Variants in CPSF1 observed in about 807,000 individuals in gnomAD.
CPSF1 encodes the protein cleavage and polyadenylation specific factor 1, also known as cleavage and polyadenylation specificity factor subunit 1.
CPSF1 carries 106 observed loss-of-function variants against 175.8 expected under a neutral mutation model. The observed-to-expected ratio is 0.60, with a 90% CI of 0.52 to 0.71. The LOEUF (loss-of-function observed/expected upper bound fraction) is 0.71, where lower values mean the gene tolerates loss of function less well. CPSF1 is among the 30% of genes least tolerant of loss of function. CPSF1 has a pLI of 0.00. For synonymous variants in CPSF1, 1,024 were observed against 858.3 expected, an observed-to-expected ratio of 1.19 and a Z score of -3.37; for missense variants, 1,734 against 2,022.9, an observed-to-expected ratio of 0.86 and a Z score of 2.74.
rs2116912883 is a variant in CPSF1, at chr8:144,409,051, C to A, written c.108G>T (p.Ser36=). ...GGTTGAGGCGGTACACGTAGAGCTG[C>A]GAGGTCCCGGCCACTACCAGGTTGC... ...SERNLVVAGT[S]QLYVYRLNRD... is the part of the protein sequence containing the mutation. The change falls in exon 2 of 38, where the codon TCG becomes TCT. Residue 36 remains serine (S), a synonymous_variant. Coordinates refer to ENST00000616140, the MANE Select transcript of CPSF1 (RefSeq NM_013291.3). 6 of 1,613,652 alleles carry A rather than the reference C, an allele frequency of 3.7e-6. No individual in the cohort carries two copies. The highest frequency in any genetic ancestry group is 5.1e-6 in the Non-Finnish European group (6 of 1,179,872).
chr8:144,399,379 C>A lies in CPSF1; in HGVS notation c.1295-6G>T. On this transcript the variant is annotated splice_polypyrimidine_tract_variant and splice_region_variant and intron_variant, in intron 13 of 37. Transcript: ENST00000616140. This position sits in a 1 kb window ranked among gnomAD's most constrained non-coding sequence, Gnocchi z 6.4. Reference sequence around the variant, plus strand: ...CGGCACCGACTTACCCGCAGCTGCACACAGAGAGCCCACTTGAGCGCAGCC... The same window carrying A: ...CGGCACCGACTTACCCGCAGCTGCAAACAGAGAGCCCACTTGAGCGCAGCC... 2 of 1,612,110 alleles carry A rather than the reference C, an allele frequency of 1.2e-6. No individual in the cohort carries two copies. Among genetic ancestry groups the A allele is most frequent in the Non-Finnish European group, 1.7e-6 (2 of 1,179,972 alleles).
chr8:144,395,823 G>A (rs1381977655), intron 26 of CPSF1: 2 of 560,032 alleles, frequency 3.6e-6, no homozygotes, highest in Non-Finnish European at 6.4e-6. Flanking sequence ...GGCTGCAAAG[G>A]GCAGCCCACA....
chr8:144,400,139 C>A (rs2116871859), intron 9 of CPSF1, 27 bp downstream of exon 9: 3 of 1,221,760 alleles, frequency 2.5e-6, no homozygotes, highest in Non-Finnish European at 3.4e-6. Context: ...CCCCGGGCCC[C>A]CCCCGCCCCA....
Position 144,400,134 on chromosome 8 carries a change from G to GCCCCCCCCCCCCCC in CPSF1, c.937+31_937+32insGGGGGGGGGGGGGG, listed in dbSNP as rs782373475. On this transcript the variant is annotated intron_variant, in intron 9 of 37. Coordinates refer to ENST00000616140, the MANE Select transcript of CPSF1 (RefSeq NM_013291.3). ...ACTAGGCAGGCCCAAGCCGTCCCCG[G>GCCCCCCCCCCCCCC]GCCCCCCCCGCCCCAGCCACCCCAC... 132 of 966,510 alleles carry GCCCCCCCCCCCCCC rather than the reference G, an allele frequency of 1.4e-4. 2 individuals are homozygous for GCCCCCCCCCCCCCC. The highest frequency in any genetic ancestry group is 2.9e-4 in the Admixed American group (10 of 34,886). 59.9% of individuals were successfully genotyped at this position (966,510 alleles called of 1,614,324 possible). A position where few individuals can be genotyped will look rare whatever the true frequency, so the allele number is the denominator to read the frequency against.
At chr8:144,408,054 C>T (rs2116910187) in intron 2 of CPSF1, among the ~76,000 whole-genome samples, 14 of 152,272 alleles carry the variant, frequency 9.2e-5, no homozygotes, top group African/African-American at 2.4e-4. Flanking sequence ...ATATGTATGC[C>T]GGGGTAGGTG....
chr8:144,396,960 G>T (rs782105341), intron 23 of CPSF1, 31 bp from the exon 24 acceptor site: 1 of 1,530,614 alleles, frequency 6.5e-7, no homozygotes, highest in East Asian at 2.3e-5. Flanking sequence ...ATGGGGGAAC[G>T]GGCAGGGCCA....
In CPSF1 at chr8:144,394,190, G is replaced by A. The variant is rs112257111; in HGVS notation, c.3812-30C>T. On this transcript the variant is annotated intron_variant, in intron 33 of 37. Coordinates refer to ENST00000616140, the MANE Select transcript of CPSF1 (RefSeq NM_013291.3). ...GGAGCAGAGGCCCAGGGTCAGCCCCGGCCACCCCCAGAGCCTCAGCTCCCC... is the reference window on the plus strand; with the variant it reads ...GGAGCAGAGGCCCAGGGTCAGCCCCAGCCACCCCCAGAGCCTCAGCTCCCC... 1.4e-4 allele frequency: 226 copies of A among 1,612,332 alleles called. 1 individual carries two copies. In the African/African-American group the frequency reaches 2.1e-3, roughly 15 times the overall value.
At chr8:144,400,135 G>GGGGGGCGCCC in intron 9 of CPSF1, 31 bp downstream of exon 9, 1 of 896,008 alleles carries the variant, frequency 1.1e-6, no homozygotes, top group Non-Finnish European at 1.6e-6. Context: ...CCGTCCCCGG[G>GGGGGGCGCCC]CCCCCCCCGC....
chr8:144,394,561 G>A lies in CPSF1; in HGVS notation c.3568-6C>T, dbSNP rs782640306. 6.2e-7 allele frequency: 1 copy of A among 1,607,316 alleles called. No individual in the cohort carries two copies. The highest frequency in any genetic ancestry group is 2.2e-5 in the East Asian group (1 of 44,646). On this transcript the variant is annotated splice_region_variant and splice_polypyrimidine_tract_variant and intron_variant, in intron 31 of 37. Coordinates refer to ENST00000616140, the MANE Select transcript of CPSF1 (RefSeq NM_013291.3). Reference sequence around the variant, plus strand: ...CGCAGGCTCCACAGGAAAATCTGGGGGCGAGGGCGAGGGTGAGCGGGCGCG... The same window carrying A: ...CGCAGGCTCCACAGGAAAATCTGGGAGCGAGGGCGAGGGTGAGCGGGCGCG...
In CPSF1 at chr8:144,397,230, G is replaced by C. The variant is rs367620586; in HGVS notation, c.2569C>G (p.Arg857Gly). Reference sequence around the variant, plus strand: ...ACCAGCAGGTAGGGCCTGCTCTGGCGGCTGCCCAGCGCCACCAGCAGCACC... The same window carrying C: ...ACCAGCAGGTAGGGCCTGCTCTGGCCGCTGCCCAGCGCCACCAGCAGCACC... ...KEVLLVALGS[R>G]QSRPYLLVHV... The change falls in exon 23 of 38, where the codon CGC becomes GGC. Residue 857 changes from arginine to glycine, a missense_variant. Physicochemically the swap from Arg to Gly is moderately radical, Grantham distance 125. Coordinates refer to ENST00000616140, the MANE Select transcript of CPSF1 (RefSeq NM_013291.3). 4.9e-5 allele frequency: 76 copies of C among 1,547,430 alleles called. No individual in the cohort carries two copies. Among genetic ancestry groups the C allele is most frequent in the Non-Finnish European group, 6.5e-5 (75 of 1,146,430 alleles).
In CPSF1 at chr8:144,397,612, G is replaced by A. The variant is rs138464912; in HGVS notation, c.2260C>T (p.Leu754Phe). 1,196 of 1,534,922 alleles carry A rather than the reference G, an allele frequency of 7.8e-4. 1 individual carries two copies. The highest frequency in any genetic ancestry group is 9.5e-4 in the Non-Finnish European group (1,080 of 1,136,806). ...GCCTCCTCCTTGCTGGGGCTGAAGA[G>A]GGAGCCCGAATCCCCATACAGCATC... is the stretch of plus-strand genomic sequence containing the variant. ...EEMLYGDSGS[L>F]FSPSKEEARR... Residue 754 changes from leucine (L) to phenylalanine (F), a missense_variant, in exon 22 of 38, where the codon CTC becomes TTC. Physicochemically the swap from Leu to Phe is conservative, Grantham distance 22. Transcript: ENST00000616140.
At chr8:144,405,567 T>C (rs2116902445) in intron 2 of CPSF1, among the ~76,000 whole-genome samples, 113 of 151,902 alleles carry the variant, frequency 7.4e-4, no homozygotes, top group Non-Finnish European at 1.4e-3. Context: ...GAGGTTGCAG[T>C]GAGCTGAGAT....
Position 144,394,869 on chromosome 8 carries a change from A to C in CPSF1, c.3414+13T>G. The C allele has an allele frequency of 6.2e-7, 1 of 1,611,780 alleles. No homozygotes were observed. Reference sequence around the variant, plus strand: ...GGGCTGCCAGTTCCCGCCCCCGCTCACTGGCCCCTTACCCGCCCTCGGCAC... The same window carrying C: ...GGGCTGCCAGTTCCCGCCCCCGCTCCCTGGCCCCTTACCCGCCCTCGGCAC... On this transcript the variant is annotated intron_variant, in intron 30 of 37. Transcript: ENST00000616140.
At chr8:144,397,445 G>T in intron 22 of CPSF1, 32 bp from the exon 23 acceptor site, 1 of 1,583,368 alleles carries the variant, frequency 6.3e-7, no homozygotes, top group South Asian at 1.1e-5. Context: ...GTGGAGGCAG[G>T]TGGGTGGAAC....
At position 144,399,953 on chromosome 8, in the gene CPSF1, G is replaced by A. The variant is rs1554865834; in HGVS notation, c.1031+39C>T. 3.1e-6 allele frequency: 5 copies of A among 1,595,796 alleles called. No individual in the cohort carries two copies. Among genetic ancestry groups the A allele is most frequent in the South Asian group, 1.1e-5 (1 of 89,376 alleles). ...GGGGACCCTACAGGACTTGTGGGGG[G>A]CGGTGTGGGCAGAGTTCATGGGCGG... On this transcript the variant is annotated intron_variant, in intron 10 of 37. Coordinates refer to ENST00000616140, the MANE Select transcript of CPSF1 (RefSeq NM_013291.3). This position sits in a 1 kb window ranked among gnomAD's most constrained non-coding sequence, Gnocchi z 6.4.
chr8:144,403,082 C>CA (rs1821304729), intron 2 of CPSF1, among the ~76,000 whole-genome samples: 1 of 140,568 alleles, frequency 7.1e-6, no homozygotes, highest in East Asian at 2.1e-4. Flanking sequence ...CCTAGTAAAG[C>CA]AAAAATAGGA....
At position 144,398,616 on chromosome 8, in the gene CPSF1, C is replaced by A. The variant is rs2116852938; in HGVS notation, c.1661G>T (p.Gly554Val). 7 of 1,613,892 alleles carry A rather than the reference C, an allele frequency of 4.3e-6. No homozygotes were observed. In the South Asian group the frequency reaches 6.6e-5, roughly 15 times the overall value. ...GGTGGTGCTGGGTTCCTGCTCTGTGCCCTCCCCCTTGGGATTGTCCTCCTG... is the reference window on the plus strand; with the variant it reads ...GGTGGTGCTGGGTTCCTGCTCTGTGACCTCCCCCTTGGGATTGTCCTCCTG... ...KEEEDNPKGE[G>V]TEQEPSTTPE... The change falls in exon 18 of 38, where the codon GGC becomes GTC. Residue 554 changes from glycine (G) to valine (V), a missense_variant. Physicochemically the swap from Gly to Val is moderately radical, Grantham distance 109. Around this residue, in one of 10 missense-constraint regions of CPSF1, gnomAD observed 280 missense variants for 349.2 expected, o/e 0.80. Transcript: ENST00000616140.
chr8:144,395,399 CAGA>C, intron 27 of CPSF1, 33 bp downstream of exon 27: 1 of 1,610,234 alleles, frequency 6.2e-7, no homozygotes, highest in Non-Finnish European at 8.5e-7. Flanking sequence ...CGGCCAGGCC[CAGA>C]AGGTCCCTGG....
rs1554862056 is a variant in CPSF1 at position 144,393,490 on chromosome 8, T to C, written c.4246A>G (p.Ser1416Gly). The change falls in exon 37 of 38, where the codon AGC (serine) becomes GGC (glycine). Residue 1416 changes from serine (S) to glycine (G), a missense_variant. Ser to Gly is a moderately conservative substitution (Grantham distance 56). Coordinates refer to ENST00000616140, the MANE Select transcript of CPSF1 (RefSeq NM_013291.3). ...RYLYLSTMER[S>G]ELAKKIGTTP... ...GTGCCGATCTTCTTGGCTAGCTCGC[T>C]GCGCTCCATGGTGCTCAGGTACAGG... is the stretch of plus-strand genomic sequence containing the variant. 6.3e-7 allele frequency: 1 copy of C among 1,574,998 alleles called. No individual in the cohort carries two copies. Among genetic ancestry groups the C allele is most frequent in the East Asian group, 2.3e-5 (1 of 43,392 alleles).
Sources: gnomAD v4.1 joint callset for allele counts (sites outside exome capture counted in the v4.1 genomes callset) on GRCh38, gnomAD v4.1.1 for gene constraint, gnomAD v4.1.1 regional missense constraint, Gnocchi (gnomAD v3.1) non-coding constraint, MANE v1.5 for transcripts, NCBI Gene and HGNC (gene_info 2026-07-23, HGNC 2026-07-21) for gene names.